Variants in CSMD1 observed in about 807,000 individuals in gnomAD.
CSMD1 encodes CUB and Sushi multiple domains 1, also known as CUB and sushi domain-containing protein 1.
In CSMD1, 213 loss-of-function variants were observed where a neutral mutation model predicts 417.5. The ratio of observed to expected loss-of-function variants is 0.51; its 90% confidence interval spans 0.46 to 0.57. CSMD1 has a LOEUF of 0.57. Ranked by LOEUF, CSMD1 falls within the 20% of genes least tolerant of loss-of-function variation. The pLI is 0.00. For synonymous variants in CSMD1, 2,862 were observed against 1,736.8 expected (o/e 1.65, Z -16.11); for missense variants, 6,923 against 4,529.7 (o/e 1.53, Z -15.17).
intron 1 of CSMD1, among the ~76,000 whole-genome samples, chr8:4,707,681 G>A (rs980895406): frequency 5.3e-5 from 8 of 151,942 alleles, no homozygotes; most frequent in African/African-American, 1.7e-4. Flanking sequence ...GAGGTCAGGA[G>A]TTCCAGACCA....
chr8:3,953,582 A>G (rs1199814317), intron 5 of CSMD1, among the ~76,000 whole-genome samples: 1 of 152,090 alleles, frequency 6.6e-6, no homozygotes. Flanking sequence ...AATTGGAGCT[A>G]TTAAAGTGGG....
rs1258266925 is a variant in CSMD1, at chr8:4,882,844, A to T, written c.85+111488T>A. ...AAACTTTCTACTTTCCTTTGACTTG[A>T]ATATTGGGATTAAGACTTTGAAGGA... On this transcript the variant is annotated intron_variant, in intron 1 of 69. Coordinates refer to ENST00000635120, the MANE Select transcript of CSMD1 (RefSeq NM_033225.6). 3.3e-5 allele frequency among the ~76,000 whole-genome samples: 5 copies of T among 152,130 alleles called. No homozygotes were observed. The Middle Eastern group carries it at 0.01, about 310-fold the overall frequency.
chr8:3,978,050 A>G (rs767535947), intron 5 of CSMD1, among the ~76,000 whole-genome samples: 2 of 152,148 alleles, frequency 1.3e-5, no homozygotes, highest in Non-Finnish European at 1.5e-5. Flanking sequence ...AGCTTCCTCA[A>G]AAAGCACGTT....
At chr8:4,339,364 G>A (rs1241951621) in intron 3 of CSMD1, among the ~76,000 whole-genome samples, 1 of 152,082 alleles carries the variant, frequency 6.6e-6, no homozygotes, top group Non-Finnish European at 1.5e-5. Flanking sequence ...GTCAAATAAT[G>A]AATCTATTTT....
At chr8:4,705,901 T>G (rs1807907682) in intron 1 of CSMD1, among the ~76,000 whole-genome samples, 3 of 152,116 alleles carry the variant, frequency 2.0e-5, no homozygotes. Flanking sequence ...GGAAAAATAG[T>G]TTAACTAGGT....
chr8:4,351,058 C>G (rs192214315), intron 3 of CSMD1, among the ~76,000 whole-genome samples: 157 of 152,196 alleles, frequency 1.0e-3, no homozygotes, highest in African/African-American at 3.7e-3. Context: ...CTGGCTCAGA[C>G]CAGTAATTCC....
chr8:3,411,468 C>T (rs1163089711), intron 12 of CSMD1, among the ~76,000 whole-genome samples: 1 of 151,752 alleles, frequency 6.6e-6, no homozygotes, highest in Non-Finnish European at 1.5e-5. Context: ...CCCGAGTCCC[C>T]AAGGTCCATT....
At chr8:3,532,286 T>C (rs1798015800) in intron 10 of CSMD1, among the ~76,000 whole-genome samples, 1 of 152,150 alleles carries the variant, frequency 6.6e-6, no homozygotes, top group Non-Finnish European at 1.5e-5. Flanking sequence ...TGATTCTGCA[T>C]GGTGTCACTG....
chr8:3,563,298 A>C (rs1306432965), intron 10 of CSMD1, among the ~76,000 whole-genome samples: 1 of 152,038 alleles, frequency 6.6e-6, no homozygotes, highest in African/African-American at 2.4e-5. Flanking sequence ...AAAAGTGTGT[A>C]ATTTAAACAA....
At chr8:4,123,387 T>C (rs376090338) in intron 3 of CSMD1, among the ~76,000 whole-genome samples, 1 of 152,238 alleles carries the variant, frequency 6.6e-6, no homozygotes, top group Non-Finnish European at 1.5e-5. Context: ...TTAATTCTTA[T>C]CTGGGTGTGC....
intron 3 of CSMD1, among the ~76,000 whole-genome samples, chr8:4,218,296 C>G (rs1234783064): frequency 1.3e-5 from 2 of 152,158 alleles, no homozygotes; most frequent in African/African-American, 4.8e-5. Context: ...GTTTGACTTT[C>G]CTATACTGTG....
chr8:3,190,742 C>G (rs1430781192), intron 33 of CSMD1, among the ~76,000 whole-genome samples: 4 of 152,110 alleles, frequency 2.6e-5, no homozygotes, highest in Non-Finnish European at 5.9e-5. Context: ...ACCTAAATGT[C>G]CATCATCAGA....
intron 1 of CSMD1, among the ~76,000 whole-genome samples, chr8:4,740,126 A>G (rs1308080362): frequency 2.0e-5 from 3 of 152,070 alleles, no homozygotes; most frequent in Non-Finnish European, 4.4e-5. Context: ...TATCTCCATC[A>G]TAATTCCCTC....
chr8:3,722,341 C>A (rs1051243077), intron 6 of CSMD1, among the ~76,000 whole-genome samples: 39 of 152,238 alleles, frequency 2.6e-4, no homozygotes, highest in African/African-American at 7.7e-4. Flanking sequence ...ATAGCTTGAG[C>A]TTTCATAAAA....
intron 3 of CSMD1, among the ~76,000 whole-genome samples, chr8:4,177,046 C>T (rs1191267251): frequency 2.6e-5 from 4 of 152,086 alleles, no homozygotes; most frequent in Admixed American, 2.0e-4. Context: ...ACAAGGATAT[C>T]CAGGAATTGA....
intron 7 of CSMD1, among the ~76,000 whole-genome samples, chr8:3,681,974 A>C (rs1361147046): frequency 1.3e-5 from 2 of 152,222 alleles, no homozygotes; most frequent in Non-Finnish European, 2.9e-5. Flanking sequence ...GTGCTGGGAA[A>C]ACTGGCTAGC....
intron 1 of CSMD1, among the ~76,000 whole-genome samples, chr8:4,728,154 T>C (rs1194319196): frequency 6.8e-6 from 1 of 147,362 alleles, no homozygotes. Flanking sequence ...ATCAAATATA[T>C]ATATTTTATA....
chr8:3,508,039 T>C (rs913754020), intron 10 of CSMD1, among the ~76,000 whole-genome samples: 3 of 152,232 alleles, frequency 2.0e-5, no homozygotes, highest in Non-Finnish European at 4.4e-5. Context: ...ATTTTGGCTT[T>C]TGTTGCCATT....
chr8:4,079,909 C>T (rs1437511037), intron 3 of CSMD1, among the ~76,000 whole-genome samples: 1 of 151,976 alleles, frequency 6.6e-6, no homozygotes, highest in Admixed American at 6.6e-5. Flanking sequence ...ATATTCTTGC[C>T]TTTCCACCCC....
Sources: gnomAD v4.1 joint callset for allele counts (sites outside exome capture counted in the v4.1 genomes callset) on GRCh38, gnomAD v4.1.1 for gene constraint, MANE v1.5 for transcripts, NCBI Gene and HGNC (gene_info 2026-07-23, HGNC 2026-07-21) for gene names.